CCSER1: variants seen among roughly 807,000 people sequenced by gnomAD.
CCSER1 encodes the protein coiled-coil serine rich protein 1.
CCSER1 carries 41 observed loss-of-function variants against 82.0 expected under a neutral mutation model. The observed-to-expected ratio is 0.50, with a 90% CI of 0.39 to 0.65. The LOEUF (loss-of-function observed/expected upper bound fraction) is 0.65, where lower values mean the gene tolerates loss of function less well. CCSER1 is among the 30% of genes least tolerant of loss of function. The pLI is 0.00. For missense variants in CCSER1, 1,119 were observed against 1,064.2 expected, an observed-to-expected ratio of 1.05 and a Z score of -0.72; for synonymous variants, 414 against 383.9, an observed-to-expected ratio of 1.08 and a Z score of -0.92.
At chr4:90,910,438 A>G (rs1726160644) in intron 8 of CCSER1, among the ~76,000 whole-genome samples, 1 of 152,226 alleles carries the variant, frequency 6.6e-6, no homozygotes, top group Non-Finnish European at 1.5e-5. Flanking sequence ...CATATTTTTT[A>G]TCAGTCTGTC....
intron 8 of CCSER1, among the ~76,000 whole-genome samples, chr4:90,892,568 T>C (rs1320741529): frequency 6.6e-6 from 1 of 152,066 alleles, no homozygotes; most frequent in African/African-American, 2.4e-5. Flanking sequence ...TTAGTATCTT[T>C]GTCTTGTATT....
intron 7 of CCSER1, among the ~76,000 whole-genome samples, chr4:90,760,861 A>G (rs1580345504): frequency 6.6e-6 from 1 of 152,084 alleles, no homozygotes; most frequent in African/African-American, 2.4e-5. Flanking sequence ...GTTTTTTGGC[A>G]TATACAGGGA....
At position 91,579,186 on chromosome 4, in the gene CCSER1, T is replaced by C. The variant is rs188151250; in HGVS notation, c.2218-19386T>C. 2.0e-5 allele frequency among the ~76,000 whole-genome samples: 3 copies of C among 151,742 alleles called. No individual in the cohort carries two copies. In the Admixed American group the frequency reaches 2.0e-4, roughly 10 times the overall value. ...CACATGAGGATGGATAGCTTTCTATTAGGGTTTTGGAATACATATTTTTGT... is the reference window on the plus strand; with the variant it reads ...CACATGAGGATGGATAGCTTTCTATCAGGGTTTTGGAATACATATTTTTGT... On this transcript the variant is annotated intron_variant, in intron 10 of 10. Coordinates refer to ENST00000509176, the MANE Select transcript of CCSER1 (RefSeq NM_001145065.2).
chr4:91,131,970 T>C (rs1238599280), intron 10 of CCSER1, among the ~76,000 whole-genome samples: 1 of 151,936 alleles, frequency 6.6e-6, no homozygotes. Context: ...ATGAAGATGA[T>C]AATATCTAGA....
At chr4:91,283,710 CTTTA>C (rs955408467) in intron 10 of CCSER1, among the ~76,000 whole-genome samples, 1 of 151,880 alleles carries the variant, frequency 6.6e-6, no homozygotes. Context: ...CTTAAGCCAC[CTTTA>C]TTTATTTTGA....
At position 90,646,686 on chromosome 4, in the gene CCSER1, G is replaced by GCTCT. The variant is rs545555781; in HGVS notation, c.1932+18455_1932+18458dup. On this transcript the variant is annotated intron_variant, in intron 6 of 10. Transcript: ENST00000509176. ...ACTTACTATTTCTGTCTACTTTTAGGCTCTGACTTTGACCTTTCCTGTGTG... is the reference window on the plus strand; with the variant it reads ...ACTTACTATTTCTGTCTACTTTTAGGCTCTCTCTGACTTTGACCTTTCCTGTGTG... 3.9e-3 allele frequency among the ~76,000 whole-genome samples: 594 copies of GCTCT among 152,202 alleles called. 2 individuals are homozygous for GCTCT. Among genetic ancestry groups the GCTCT allele is most frequent in the Middle Eastern group, 6.8e-3 (2 of 294 alleles).
In CCSER1 at chr4:90,616,730, C is replaced by T. The variant is rs979061377; in HGVS notation, c.1725-11295C>T. Among the ~76,000 whole-genome samples, 473 of 88,266 alleles carry T rather than the reference C, an allele frequency of 5.4e-3. 2 individuals carry two copies. Among genetic ancestry groups the T allele is most frequent in the African/African-American group, 0.018 (447 of 24,944 alleles). The allele number at this position is 88,266 out of a possible 152,430, so 57.9% of individuals were successfully genotyped here. On this transcript the variant is annotated intron_variant, in intron 5 of 10. Transcript: ENST00000509176. ...ACACACACACACACACACACACACACACACACACAAATAAAATAAAATAAA... is the reference window on the plus strand; with the variant it reads ...ACACACACACACACACACACACACATACACACACAAATAAAATAAAATAAA...
chr4:91,343,358 G>A (rs1747846426), intron 10 of CCSER1, among the ~76,000 whole-genome samples: 1 of 152,102 alleles, frequency 6.6e-6, no homozygotes, highest in East Asian at 1.9e-4. Flanking sequence ...TTCTGCTTTA[G>A]CTACATGTTT....
At chr4:90,374,750 T>TC (rs1412776352) in intron 3 of CCSER1, among the ~76,000 whole-genome samples, 4 of 152,178 alleles carry the variant, frequency 2.6e-5, no homozygotes, top group African/African-American at 9.7e-5. Flanking sequence ...ACAATGCTAT[T>TC]CCAGTTAAAT....
rs374712754 is a variant in CCSER1 at position 91,283,973 on chromosome 4, T to G, written c.2217+197979T>G. Among the ~76,000 whole-genome samples, 11 of 152,220 alleles carry G rather than the reference T, an allele frequency of 7.2e-5. 1 individual carries two copies. In the East Asian group the frequency reaches 1.4e-3, roughly 19 times the overall value. The stretch of plus-strand genomic sequence containing the variant: ...AATATGCAATCCCCAGTGTTGTATA[T>G]TACCTATAATATGTTTGTAGTAAAT... On this transcript the variant is annotated intron_variant, in intron 10 of 10. Coordinates refer to ENST00000509176, the MANE Select transcript of CCSER1 (RefSeq NM_001145065.2).
chr4:90,692,188 G>A (rs11940864), intron 6 of CCSER1, among the ~76,000 whole-genome samples: 24,486 of 151,102 alleles, frequency 0.16, 2,151 homozygotes, highest in Middle Eastern at 0.26. Context: ...GAAATATTAA[G>A]CAAGTATATT....
At chr4:90,964,189 A>G (rs1486620762) in intron 9 of CCSER1, among the ~76,000 whole-genome samples, 2 of 152,328 alleles carry the variant, frequency 1.3e-5, no homozygotes, top group East Asian at 1.9e-4. Context: ...TTTTCTGTAA[A>G]TAGGTGCTGA....
chr4:90,304,592 G>A (rs909942301), intron 1 of CCSER1, among the ~76,000 whole-genome samples: 4 of 152,010 alleles, frequency 2.6e-5, no homozygotes, highest in African/African-American at 9.7e-5. Flanking sequence ...GATGGGAATT[G>A]AACAATGAGA....
At chr4:91,232,051 C>T (rs1447692846) in intron 10 of CCSER1, among the ~76,000 whole-genome samples, 1 of 151,808 alleles carries the variant, frequency 6.6e-6, no homozygotes, top group African/African-American at 2.4e-5. Context: ...AGAAATAGCA[C>T]TTTAGTTCAG....
chr4:91,537,812 C>T (rs924259777), intron 10 of CCSER1, among the ~76,000 whole-genome samples: 1 of 89,716 alleles, frequency 1.1e-5, no homozygotes, highest in Non-Finnish European at 2.4e-5. Flanking sequence ...CCATGTAAAA[C>T]CACATGTTTT....
chr4:90,968,713 C>T (rs1366882127), intron 9 of CCSER1, among the ~76,000 whole-genome samples: 1 of 151,960 alleles, frequency 6.6e-6, no homozygotes, highest in Non-Finnish European at 1.5e-5. Context: ...ATAAATTCTA[C>T]AGGAAGTTAC....
intron 8 of CCSER1, among the ~76,000 whole-genome samples, chr4:90,900,667 A>T (rs764765302): frequency 2.6e-5 from 4 of 151,940 alleles, no homozygotes; most frequent in Non-Finnish European, 5.9e-5. Flanking sequence ...GTTGCTTGAT[A>T]TGACTTTGAT....
At chr4:91,468,188 T>C (rs1757041853) in intron 10 of CCSER1, among the ~76,000 whole-genome samples, 2 of 152,198 alleles carry the variant, frequency 1.3e-5, no homozygotes, top group Non-Finnish European at 2.9e-5. Flanking sequence ...AAGGAAGAGT[T>C]CATGTCCTTT....
At chr4:90,412,588 A>T (rs1239777206) in intron 4 of CCSER1, among the ~76,000 whole-genome samples, 1 of 152,076 alleles carries the variant, frequency 6.6e-6, no homozygotes, top group Non-Finnish European at 1.5e-5. Flanking sequence ...CGAGGGATGC[A>T]GGGATGGTTT....
Sources: allele counts gnomAD v4.1 joint callset (sites outside exome capture counted in the v4.1 genomes callset), GRCh38; gene constraint gnomAD v4.1.1; transcripts MANE v1.5; gene names NCBI Gene and HGNC (gene_info 2026-07-23, HGNC 2026-07-21).